Variants in CYTH1 observed in about 807,000 individuals in gnomAD.
CYTH1 encodes cytohesin 1.
CYTH1 carries 18 observed loss-of-function variants against 61.8 expected under a neutral mutation model. The observed-to-expected ratio is 0.29, with a 90% CI of 0.20 to 0.43. The LOEUF (loss-of-function observed/expected upper bound fraction) is 0.43, where lower values mean the gene tolerates loss of function less well. CYTH1 is among the 20% of genes least tolerant of loss of function. The pLI is 1.00. For missense variants in CYTH1, 336 were observed against 510.5 expected (o/e 0.66, Z 3.29); for synonymous variants, 174 against 184.3 (o/e 0.94, Z 0.45).
At chr17:78,699,783 G>A (rs1417435199) in intron 7 of CYTH1, among the ~76,000 whole-genome samples, 1 of 152,030 alleles carries the variant, frequency 6.6e-6, no homozygotes, top group Non-Finnish European at 1.5e-5. Context: ...AACAATATGG[G>A]TTTCTTTAGT....
intron 1 of CYTH1, among the ~76,000 whole-genome samples, chr17:78,725,144 T>C (rs1008734497): frequency 6.6e-6 from 1 of 152,124 alleles, no homozygotes; most frequent in African/African-American, 2.4e-5. Context: ...AGTACTCAGT[T>C]ACATCTCTTT....
intron 1 of CYTH1, among the ~76,000 whole-genome samples, chr17:78,730,045 T>C (rs1390107233): frequency 1.3e-5 from 2 of 152,186 alleles, no homozygotes; most frequent in Non-Finnish European, 2.9e-5. Context: ...TGGCCCAATA[T>C]TTCTATTATA....
intron 1 of CYTH1, among the ~76,000 whole-genome samples, chr17:78,732,154 A>G (rs2093298303): frequency 6.6e-6 from 1 of 152,200 alleles, no homozygotes; most frequent in Non-Finnish European, 1.5e-5. Flanking sequence ...GCAGGCTGAT[A>G]AAGGCTCTTA....
At chr17:78,715,914 T>C (rs560857058) in intron 1 of CYTH1, among the ~76,000 whole-genome samples, 3 of 152,264 alleles carry the variant, frequency 2.0e-5, no homozygotes, top group South Asian at 4.2e-4. Flanking sequence ...TGACCAAAGT[T>C]TGAGGGAAGC....
intron 1 of CYTH1, among the ~76,000 whole-genome samples, chr17:78,742,320 A>G (rs763056355): frequency 6.6e-5 from 10 of 152,184 alleles, no homozygotes; most frequent in Non-Finnish European, 1.3e-4. Flanking sequence ...CCAGGCCTTT[A>G]GGAGGCTGAG....
chr17:78,774,505 C>T (rs990708367), intron 1 of CYTH1, among the ~76,000 whole-genome samples: 4 of 152,200 alleles, frequency 2.6e-5, no homozygotes, highest in African/African-American at 9.7e-5. Context: ...AAACTCACCA[C>T]ATATTAACTT....
intron 1 of CYTH1, among the ~76,000 whole-genome samples, chr17:78,780,345 AAG>A (rs2093511753): frequency 6.6e-6 from 1 of 151,984 alleles, no homozygotes; most frequent in Non-Finnish European, 1.5e-5. Context: ...TCTCTACAAA[AAG>A]AAATAAAAAT....
chr17:78,729,904 G>C (rs1446883848), intron 1 of CYTH1, among the ~76,000 whole-genome samples: 1 of 152,132 alleles, frequency 6.6e-6, no homozygotes, highest in Non-Finnish European at 1.5e-5. Context: ...GAAAGAGAGT[G>C]GGGGAGGCCT....
At chr17:78,745,667 GTGGATCA>G (rs1361182127) in intron 1 of CYTH1, among the ~76,000 whole-genome samples, 2 of 152,196 alleles carry the variant, frequency 1.3e-5, no homozygotes, top group Non-Finnish European at 2.9e-5. Flanking sequence ...GCCGAGGCGG[GTGGATCA>G]CAAGGTCAAG....
Position 78,760,426 on chromosome 17 carries a change from C to T in CYTH1, c.22+21776G>A, listed in dbSNP as rs574813306. On this transcript the variant is annotated intron_variant, in intron 1 of 13. Transcript: ENST00000446868. The stretch of plus-strand genomic sequence containing the variant: ...ATATATGTGTATATATATATATATA[C>T]ACATACATATATATATGTATATATA... 1.3e-3 allele frequency among the ~76,000 whole-genome samples: 70 copies of T among 54,290 alleles called. 7 individuals are homozygous for T. The highest frequency in any genetic ancestry group is 0.012 in the East Asian group (20 of 1,604). 35.6% of individuals were successfully genotyped at this position (54,290 alleles called of 152,430 possible). A position where few individuals can be genotyped will look rare whatever the true frequency, so the allele number is the denominator to read the frequency against.
intron 11 of CYTH1, among the ~76,000 whole-genome samples, chr17:78,684,290 G>A (rs2092794252): frequency 6.6e-6 from 1 of 152,218 alleles, no homozygotes; most frequent in African/African-American, 2.4e-5. Flanking sequence ...ATCCCTCAGT[G>A]CTGGAGTGAA....
intron 1 of CYTH1, among the ~76,000 whole-genome samples, chr17:78,753,653 C>G (rs1436832308): frequency 1.3e-5 from 2 of 152,126 alleles, no homozygotes; most frequent in Non-Finnish European, 2.9e-5. Flanking sequence ...ACAGTTAGGA[C>G]AGAAGACAGT....
At chr17:78,722,363 G>A (rs756703593) in intron 1 of CYTH1, among the ~76,000 whole-genome samples, 65 of 152,216 alleles carry the variant, frequency 4.3e-4, no homozygotes, top group Non-Finnish European at 8.5e-4. Context: ...TGGGCGCAGA[G>A]CTCCACAGGG....
At chr17:78,684,612 G>C (rs2092797464) in intron 11 of CYTH1, among the ~76,000 whole-genome samples, 1 of 152,202 alleles carries the variant, frequency 6.6e-6, no homozygotes, top group Non-Finnish European at 1.5e-5. Context: ...GAATACAGGT[G>C]AAAGGTTTAA....
At chr17:78,764,198 CTT>C (rs534021959) in intron 1 of CYTH1, among the ~76,000 whole-genome samples, 76 of 140,334 alleles carry the variant, frequency 5.4e-4, no homozygotes, top group East Asian at 4.2e-4. Context: ...ATCTAAATGT[CTT>C]TTTTTTTTTT....
At chr17:78,780,347 GAAAT>G (rs1435328090) in intron 1 of CYTH1, among the ~76,000 whole-genome samples, 1 of 152,028 alleles carries the variant, frequency 6.6e-6, no homozygotes, top group Non-Finnish European at 1.5e-5. Context: ...TCTACAAAAA[GAAAT>G]AAAAATAATT....
intron 1 of CYTH1, among the ~76,000 whole-genome samples, chr17:78,754,883 A>G (rs2093394643): frequency 6.6e-6 from 1 of 152,106 alleles, no homozygotes; most frequent in Non-Finnish European, 1.5e-5. Flanking sequence ...ACTAACCTCT[A>G]TTATATTTTA....
intron 10 of CYTH1, 138 bp downstream of exon 10, chr17:78,695,869 T>C (rs2092932815): frequency 8.0e-7 from 1 of 1,254,410 alleles, no homozygotes; most frequent in South Asian, 1.3e-5. Context: ...CCCTAGGGAC[T>C]GTACAATAAG....
At chr17:78,743,628 A>G (rs1001433935) in intron 1 of CYTH1, among the ~76,000 whole-genome samples, 8 of 152,084 alleles carry the variant, frequency 5.3e-5, no homozygotes, top group African/African-American at 1.9e-4. Flanking sequence ...GAAATACTCA[A>G]CCCATAGTCC....
Sources: gnomAD v4.1 joint callset for allele counts (sites outside exome capture counted in the v4.1 genomes callset) on GRCh38, gnomAD v4.1.1 for gene constraint, MANE v1.5 for transcripts, NCBI Gene and HGNC (gene_info 2026-07-23, HGNC 2026-07-21) for gene names.